The following ZNF131 variants were observed in gnomAD, a reference collection of about 807,000 sequenced individuals.
ZNF131 encodes the protein zinc finger protein 131.
Under a neutral mutation model 60.0 loss-of-function variants are expected in ZNF131, and 7 were observed. The ratio of observed to expected loss-of-function variants is 0.12; its 90% CI spans 0.07 to 0.22. ZNF131 has a LOEUF of 0.22. ZNF131 is among the 10% of genes least tolerant of loss of function. The pLI, the probability that ZNF131 is intolerant of heterozygous loss-of-function variation, is 1.00. For synonymous variants in ZNF131, 257 were observed against 253.2 expected, an observed-to-expected ratio of 1.01 and a Z score of -0.14; for missense variants, 493 against 740.9, an observed-to-expected ratio of 0.67 and a Z score of 3.88.
At chr5:43,171,773 G>A (rs1751021744) in intron 5 of ZNF131, among the ~76,000 whole-genome samples, 1 of 152,084 alleles carries the variant, frequency 6.6e-6, no homozygotes, top group Non-Finnish European at 1.5e-5. Flanking sequence ...GCTCGTGCCA[G>A]CATGCCCAGC....
chr5:43,162,695 G>C (rs1749857757), intron 5 of ZNF131, among the ~76,000 whole-genome samples: 1 of 151,466 alleles, frequency 6.6e-6, no homozygotes, highest in South Asian at 2.1e-4. Flanking sequence ...CTGAGGTCAG[G>C]AGTTCAGAGA....
intron 3 of ZNF131, chr5:43,123,725 GT>G (rs1001556617): frequency 2.6e-5 from 4 of 155,462 alleles, no homozygotes; most frequent in Non-Finnish European, 5.7e-5. Flanking sequence ...AAGTAGTGAT[GT>G]ATTAGCAGAG....
chr5:43,123,185 C>CTT, intron 2 of ZNF131, 24 bp from the exon 3 acceptor site: 4 of 1,530,830 alleles, frequency 2.6e-6, no homozygotes, highest in Admixed American at 2.1e-5. Context: ...GTATGATTTT[C>CTT]TTTTTTTTTC....
intron 5 of ZNF131, among the ~76,000 whole-genome samples, chr5:43,166,945 A>C (rs1482211051): frequency 2.0e-5 from 3 of 152,248 alleles, no homozygotes; most frequent in Non-Finnish European, 4.4e-5. Context: ...GGCATGAGCC[A>C]CCGCATCCGG....
chr5:43,175,026 A>T lies in ZNF131; in HGVS notation c.1765A>T (p.Arg589Trp), dbSNP rs767594961. The change falls in exon 7 of 7, where the codon AGG (arginine) becomes TGG (tryptophan). Residue 589 changes from arginine to tryptophan, a missense_variant. Arg to Trp is a moderately radical substitution (Grantham distance 101, BLOSUM62 -3). Transcript: ENST00000682664. Reference sequence around the variant, plus strand: ...CCAAGCAGATGCTGCTGAGGCTGCCAGGGAAGATCACGAAGATGCTGAGGA... The same window carrying T: ...CCAAGCAGATGCTGCTGAGGCTGCCTGGGAAGATCACGAAGATGCTGAGGA... ...SSQADAAEAA[R>W]EDHEDAEDLE... is the part of the protein sequence containing the mutation. 6.2e-7 allele frequency: 1 copy of T among 1,614,076 alleles called. No individual in the cohort carries two copies. Among genetic ancestry groups the T allele is most frequent in the African/African-American group, 1.3e-5 (1 of 74,936 alleles).
At chr5:43,140,889 C>T (rs1019254608) in intron 4 of ZNF131, among the ~76,000 whole-genome samples, 8 of 151,848 alleles carry the variant, frequency 5.3e-5, no homozygotes, top group Non-Finnish European at 1.0e-4. Flanking sequence ...AGCAAATTTT[C>T]GTATTTTTAG....
At chr5:43,136,879 G>A (rs540563582) in intron 3 of ZNF131, among the ~76,000 whole-genome samples, 2 of 152,070 alleles carry the variant, frequency 1.3e-5, no homozygotes, top group East Asian at 3.9e-4. Flanking sequence ...GACCAAAGGA[G>A]CAGAATAGAG....
intron 3 of ZNF131, chr5:43,125,058 A>C (rs910537148): frequency 6.6e-6 from 1 of 151,854 alleles, no homozygotes; most frequent in Non-Finnish European, 1.5e-5. Flanking sequence ...TCAGTTTATC[A>C]TATTGAATAT....
intron 3 of ZNF131, among the ~76,000 whole-genome samples, chr5:43,125,375 T>C (rs894857204): frequency 6.6e-6 from 1 of 151,276 alleles, no homozygotes; most frequent in African/African-American, 2.4e-5. Flanking sequence ...ATCAGGCTGG[T>C]CTCGAATTCC....
At chr5:43,129,473 T>A (rs13174772) in intron 3 of ZNF131, among the ~76,000 whole-genome samples, 14,769 of 152,182 alleles carry the variant, frequency 0.097, 854 homozygotes, top group East Asian at 0.19. Flanking sequence ...AGGCCAGACA[T>A]ACTTCTCAAC....
rs59888761 is a variant in ZNF131, at chr5:43,175,719, T to TAAAAAAAA, written c.*594_*601dup. ...GGTGGTGGCAAAATTTCTAGAATGTTAAAAAAAAAAAAAAATCCACACCCA... is the reference window on the plus strand; with the variant it reads ...GGTGGTGGCAAAATTTCTAGAATGTTAAAAAAAAAAAAAAAAAAAAAAATCCACACCCA... On this transcript the variant is annotated 3_prime_UTR_variant, in exon 7 of 7. Coordinates refer to ENST00000682664, the MANE Select transcript of ZNF131 (RefSeq NM_001330707.2). The TAAAAAAAA allele has an allele frequency of 1.1e-4, 25 of 226,020 alleles. No individual in the cohort carries two copies. The highest frequency in any genetic ancestry group is 4.6e-4 in the South Asian group (6 of 12,906). The allele number at this position is 226,020 out of a possible 1,614,324, so 14.0% of individuals were successfully genotyped here. A position where few individuals can be genotyped will look rare whatever the true frequency, so the allele number is the denominator to read the frequency against.
In ZNF131 at chr5:43,161,610, G is replaced by A; in HGVS notation, c.733G>A (p.Glu245Lys). ...CPSDPTSKQVEGIEIVELQLS... is the reference protein window; with the variant it reads ...CPSDPTSKQVKGIEIVELQLS... ...ATCTGACCCCACGAGCAAACAGGTA[G>A]AAGGTATTGAAATTGTGGAACTTCA... Residue 245 changes from glutamate (E) to lysine (K), a missense_variant, in exon 5 of 7, where the codon GAA becomes AAA. This residue lies in a region of ZNF131 where 138 missense variants were observed against 158.7 expected (regional missense o/e 0.87). Coordinates refer to ENST00000682664, the MANE Select transcript of ZNF131 (RefSeq NM_001330707.2). The A allele has an allele frequency of 6.2e-7, 1 of 1,614,228 alleles. No homozygotes were observed. The highest frequency in any genetic ancestry group is 8.5e-7 in the Non-Finnish European group (1 of 1,180,022).
chr5:43,130,263 C>CAAGAAAAAAAAAAAAAAAAAAAAA (rs765959932), intron 3 of ZNF131, among the ~76,000 whole-genome samples: 1 of 33,158 alleles, frequency 3.0e-5, no homozygotes, highest in Non-Finnish European at 5.1e-5. Flanking sequence ...GACTCTGTCT[C>CAAGAAAAAAAAAAAAAAAAAAAAA]CAAAAAAAAA....
intron 4 of ZNF131, among the ~76,000 whole-genome samples, chr5:43,153,588 G>A (rs1010494169): frequency 6.6e-6 from 1 of 151,742 alleles, no homozygotes; most frequent in African/African-American, 2.4e-5. Context: ...TTTGCAGTAA[G>A]CGAGATCGTG....
intron 2 of ZNF131, among the ~76,000 whole-genome samples, chr5:43,122,642 G>A (rs929496646): frequency 2.0e-5 from 3 of 152,160 alleles, no homozygotes; most frequent in Non-Finnish European, 4.4e-5. Context: ...ATAAAATGGG[G>A]TCTTTACCAG....
intron 2 of ZNF131, among the ~76,000 whole-genome samples, 194 bp from the exon 3 acceptor site, chr5:43,123,015 C>T (rs1004972448): frequency 6.6e-6 from 1 of 152,158 alleles, no homozygotes; most frequent in Non-Finnish European, 1.5e-5. Context: ...GAAGATTTAG[C>T]TTTATATCTA....
chr5:43,139,077 T>C, intron 3 of ZNF131, 88 bp from the exon 4 acceptor site: 1 of 1,150,874 alleles, frequency 8.7e-7, no homozygotes, highest in Non-Finnish European at 1.2e-6. Context: ...CTCAACAAGC[T>C]CCAAGCCCTG....
chr5:43,123,146 G>T (rs547222615), intron 2 of ZNF131, 63 bp from the exon 3 acceptor site: 1 of 1,314,106 alleles, frequency 7.6e-7, no homozygotes, highest in Admixed American at 2.2e-5. Context: ...AGTCTATTTT[G>T]TAGTTATACA....
chr5:43,135,669 A>G (rs1561399292), intron 3 of ZNF131, among the ~76,000 whole-genome samples: 1 of 151,950 alleles, frequency 6.6e-6, no homozygotes, highest in East Asian at 1.9e-4. Context: ...TGCAGTGAGC[A>G]TGGATTGCAC....
Sources: allele counts gnomAD v4.1 joint callset (sites outside exome capture counted in the v4.1 genomes callset), GRCh38; gene constraint gnomAD v4.1.1; regional missense constraint gnomAD v4.1.1; transcripts MANE v1.5; gene names NCBI Gene and HGNC (gene_info 2026-07-23, HGNC 2026-07-21).